Variants in FHIT observed in about 807,000 individuals in gnomAD.
The protein encoded by FHIT is fragile histidine triad diadenosine triphosphatase, also known as bis(5'-adenosyl)-triphosphatase.
In FHIT, 19 loss-of-function variants were observed where a neutral mutation model predicts 17.9. The observed-to-expected ratio is 1.06, with a 90% CI of 0.74 to 1.56. The LOEUF is 1.56. Among genes scored for constraint, FHIT ranks in the 40% most tolerant of loss-of-function variants. FHIT has a pLI of 0.00. For synonymous variants in FHIT, 81 were observed against 69.7 expected, an observed-to-expected ratio of 1.16 and a Z score of -0.81; for missense variants, 248 against 189.2, an observed-to-expected ratio of 1.31 and a Z score of -1.82.
intron 5 of FHIT, among the ~76,000 whole-genome samples, chr3:60,307,138 C>T (rs1047900755): frequency 6.6e-6 from 1 of 152,132 alleles, no homozygotes; most frequent in Non-Finnish European, 1.5e-5. Context: ...AATGCAGACA[C>T]GCTGACTGCA....
intron 4 of FHIT, among the ~76,000 whole-genome samples, chr3:60,698,183 T>C (rs1026290730): frequency 6.6e-6 from 1 of 152,184 alleles, no homozygotes; most frequent in African/African-American, 2.4e-5. Flanking sequence ...ACCTTTCAAA[T>C]AGTGCTTGCT....
At chr3:59,863,081 T>A (rs1435835800) in intron 8 of FHIT, among the ~76,000 whole-genome samples, 2 of 152,226 alleles carry the variant, frequency 1.3e-5, no homozygotes, top group Non-Finnish European at 2.9e-5. Context: ...ATCCGAGGAA[T>A]AGTCCTATCC....
At chr3:60,355,318 G>A (rs1318808462) in intron 5 of FHIT, among the ~76,000 whole-genome samples, 2 of 152,190 alleles carry the variant, frequency 1.3e-5, no homozygotes. Context: ...CCATCAATTG[G>A]AAGATTGTTT....
At chr3:60,443,215 G>A (rs1227271180) in intron 5 of FHIT, among the ~76,000 whole-genome samples, 2 of 152,154 alleles carry the variant, frequency 1.3e-5, no homozygotes, top group African/African-American at 4.8e-5. Context: ...CATGTCATCT[G>A]CAAACAGTGA....
At chr3:59,779,951 A>G (rs2106874687) in intron 8 of FHIT, among the ~76,000 whole-genome samples, 1 of 152,348 alleles carries the variant, frequency 6.6e-6, no homozygotes, top group East Asian at 1.9e-4. Flanking sequence ...GAAAAGGAGT[A>G]AAATGGACTT....
intron 5 of FHIT, among the ~76,000 whole-genome samples, chr3:60,267,277 T>G (rs213335): frequency 6.6e-6 from 1 of 151,802 alleles, no homozygotes; most frequent in African/African-American, 2.4e-5. Flanking sequence ...TTGAATTATT[T>G]TTTAGTAACA....
chr3:60,488,297 T>C (rs1327132429), intron 5 of FHIT, among the ~76,000 whole-genome samples: 3 of 152,204 alleles, frequency 2.0e-5, no homozygotes, highest in South Asian at 2.1e-4. Flanking sequence ...CCAGGCACCA[T>C]AGCATTATTG....
intron 3 of FHIT, among the ~76,000 whole-genome samples, chr3:60,863,947 C>T (rs372548515): frequency 8.6e-5 from 13 of 151,982 alleles, no homozygotes; most frequent in Non-Finnish European, 1.3e-4. Flanking sequence ...AAGAAATACC[C>T]GAGATGGGAT....
intron 4 of FHIT, among the ~76,000 whole-genome samples, chr3:60,772,282 A>T (rs1700070521): frequency 6.6e-6 from 1 of 151,110 alleles, no homozygotes; most frequent in South Asian, 2.1e-4. Context: ...AAACATCCAG[A>T]TGATAGATTA....
chr3:61,181,402 A>G (rs1402409227), intron 2 of FHIT, among the ~76,000 whole-genome samples: 1 of 152,206 alleles, frequency 6.6e-6, no homozygotes, highest in Non-Finnish European at 1.5e-5. Flanking sequence ...AGGAAAAGAC[A>G]ATACAACAGA....
intron 2 of FHIT, among the ~76,000 whole-genome samples, chr3:61,094,330 C>T (rs2035574024): frequency 6.6e-6 from 1 of 152,200 alleles, no homozygotes; most frequent in Non-Finnish European, 1.5e-5. Context: ...GCCTCTGCCA[C>T]TTACTGTCTG....
chr3:59,806,022 A>T (rs1002354218), intron 8 of FHIT, among the ~76,000 whole-genome samples: 2 of 152,072 alleles, frequency 1.3e-5, no homozygotes, highest in Non-Finnish European at 2.9e-5. Flanking sequence ...TCTGCTAAAA[A>T]TACAAAAATT....
At chr3:60,579,191 A>G (rs1241610293) in intron 4 of FHIT, among the ~76,000 whole-genome samples, 1 of 152,162 alleles carries the variant, frequency 6.6e-6, no homozygotes, top group Non-Finnish European at 1.5e-5. Context: ...GTGCACTTAC[A>G]CAAACCTAGA....
At chr3:59,812,570 G>A (rs1324910943) in intron 8 of FHIT, among the ~76,000 whole-genome samples, 3 of 152,168 alleles carry the variant, frequency 2.0e-5, no homozygotes, top group Admixed American at 2.0e-4. Context: ...ATTACAGAGG[G>A]TCAAGTTTCT....
intron 4 of FHIT, among the ~76,000 whole-genome samples, chr3:60,688,348 T>C (rs782718749): frequency 2.0e-4 from 30 of 151,878 alleles, no homozygotes; most frequent in Non-Finnish European, 7.4e-5. Context: ...ACTAAGAAAA[T>C]GGCTTTTTAC....
chr3:60,507,927 T>G (rs1381193374), intron 5 of FHIT, among the ~76,000 whole-genome samples: 3 of 152,222 alleles, frequency 2.0e-5, no homozygotes, highest in Non-Finnish European at 4.4e-5. Context: ...CTACCACTGA[T>G]GAGCATTTAG....
At chr3:60,607,086 C>G (rs146337422) in intron 4 of FHIT, among the ~76,000 whole-genome samples, 1 of 152,200 alleles carries the variant, frequency 6.6e-6, no homozygotes, top group African/African-American at 2.4e-5. Context: ...TTACTAGTGT[C>G]TGTCATCAGG....
chr3:60,088,182 G>T (rs1251720730), intron 5 of FHIT, among the ~76,000 whole-genome samples: 1 of 152,090 alleles, frequency 6.6e-6, no homozygotes, highest in Non-Finnish European at 1.5e-5. Context: ...AACAGATGGA[G>T]AACTCATCCC....
chr3:60,243,002 A>G (rs757064820), intron 5 of FHIT, among the ~76,000 whole-genome samples: 14 of 151,888 alleles, frequency 9.2e-5, no homozygotes, highest in Non-Finnish European at 1.6e-4. Flanking sequence ...CAAGTGAACC[A>G]CAATGGCCTT....
Sources: gnomAD v4.1 joint callset for allele counts (sites outside exome capture counted in the v4.1 genomes callset) on GRCh38, gnomAD v4.1.1 for gene constraint, MANE v1.5 for transcripts, NCBI Gene and HGNC (gene_info 2026-07-23, HGNC 2026-07-21) for gene names.